The following ANK1 variants were observed in gnomAD, a reference collection of about 807,000 sequenced individuals.
The protein encoded by ANK1 is ankyrin-1.
Under a neutral mutation model 210.4 loss-of-function variants are expected in ANK1, and 51 were observed. The ratio of observed to expected loss-of-function variants is 0.24; its 90% confidence interval spans 0.19 to 0.31. The LOEUF is 0.31. ANK1 is among the 10% of genes least tolerant of loss of function. ANK1 has a pLI of 1.00. For synonymous variants in ANK1, 967 were observed against 1,025.9 expected (o/e 0.94, Z 1.10); for missense variants, 2,051 against 2,504.4 (o/e 0.82, Z 3.86).
chr8:41,877,970 G>A (rs146248618), intron 1 of ANK1, among the ~76,000 whole-genome samples: 9 of 152,272 alleles, frequency 5.9e-5, no homozygotes, highest in Admixed American at 2.0e-4. Context: ...GGGCAGGAAC[G>A]CTGGGCACAC....
At chr8:41,845,102 A>T (rs1223453452) in intron 1 of ANK1, among the ~76,000 whole-genome samples, 2 of 152,210 alleles carry the variant, frequency 1.3e-5, no homozygotes, top group African/African-American at 2.4e-5. Flanking sequence ...CGTGAATTCC[A>T]GGCCAGGCGC....
At chr8:41,656,802 G>A (rs1404403886) in intron 42 of ANK1, among the ~76,000 whole-genome samples, 1 of 152,150 alleles carries the variant, frequency 6.6e-6, no homozygotes, top group Non-Finnish European at 1.5e-5. Context: ...GAAGGGAGTA[G>A]GGAGAACTCA....
At chr8:41,713,088 C>T (rs1826617145) in intron 16 of ANK1, among the ~76,000 whole-genome samples, 1 of 152,356 alleles carries the variant, frequency 6.6e-6, no homozygotes, top group Non-Finnish European at 1.5e-5. Context: ...GGCACTGACG[C>T]TCCCTGCCTG....
intron 1 of ANK1, among the ~76,000 whole-genome samples, chr8:41,836,996 TGG>T (rs1345924293): frequency 1.3e-5 from 2 of 151,814 alleles, no homozygotes; most frequent in African/African-American, 4.8e-5. Flanking sequence ...CCTGGGGTCC[TGG>T]TCTGTGGTCA....
intron 31 of ANK1, 63 bp from the exon 32 acceptor site, chr8:41,690,662 C>G: frequency 6.3e-7 from 1 of 1,584,010 alleles, no homozygotes; most frequent in Non-Finnish European, 8.6e-7. Context: ...GTCCCTCCTT[C>G]CACCTTCGGT....
In ANK1 at chr8:41,655,658, A is replaced by C. The variant is rs1805396291; in HGVS notation, c.*132T>G. On this transcript the variant is annotated 3_prime_UTR_variant, in exon 43 of 43. Transcript: ENST00000289734. ...GAGGTCATGCCGTCAGCCCAGAGGA[A>C]TGTGTGCACCGCTGCGGTGGCCCTC... The C allele has an allele frequency of 6.4e-7, 1 of 1,559,596 alleles. No homozygotes were observed. Among genetic ancestry groups the C allele is most frequent in the African/African-American group, 1.4e-5 (1 of 73,746 alleles).
intron 37 of ANK1, among the ~76,000 whole-genome samples, chr8:41,682,487 A>G (rs1231300008): frequency 6.6e-6 from 1 of 152,266 alleles, no homozygotes; most frequent in African/African-American, 2.4e-5. Flanking sequence ...GAGAACAGGT[A>G]TCTCTCTCCT....
chr8:41,700,794 G>C (rs1476250274), intron 22 of ANK1, among the ~76,000 whole-genome samples: 1 of 152,120 alleles, frequency 6.6e-6, no homozygotes, highest in Admixed American at 6.6e-5. Context: ...ACAGGGTCTT[G>C]CTCTGTCACC....
intron 39 of ANK1, chr8:41,665,096 T>C: frequency 5.7e-6 from 9 of 1,582,554 alleles, no homozygotes; most frequent in Non-Finnish European, 6.0e-6. Context: ...CCTCTCATTC[T>C]CCACTGGGAC....
intron 1 of ANK1, among the ~76,000 whole-genome samples, chr8:41,764,496 C>G (rs891497012): frequency 2.0e-5 from 3 of 152,228 alleles, no homozygotes; most frequent in African/African-American, 4.8e-5. Flanking sequence ...CTATGACAAA[C>G]CGGAGCAGAA....
At chr8:41,673,275 A>T (rs1020672714) in intron 37 of ANK1, among the ~76,000 whole-genome samples, 3 of 152,180 alleles carry the variant, frequency 2.0e-5, no homozygotes, top group Non-Finnish European at 4.4e-5. Flanking sequence ...TCTGTCTCTG[A>T]TCCCATGAAA....
rs145780209 is a variant in ANK1 at position 41,691,595 on chromosome 8, G to A, written c.3859-996C>T. 5.7e-4 allele frequency among the ~76,000 whole-genome samples: 87 copies of A among 152,256 alleles called. 1 individual carries two copies. In the East Asian group the frequency reaches 0.015, roughly 27 times the overall value. ...TAACTGGTTCAGACCTAGCCCCCAT[G>A]CCTTCACTCTTCACATTATCTGTCG... On this transcript the variant is annotated intron_variant, in intron 31 of 42. Transcript: ENST00000289734.
chr8:41,654,624 A>C lies in ANK1; in HGVS notation c.*1166T>G, dbSNP rs1805097990. ...CCTCTTTCACTGAAAGACAGGCCAC[A>C]GCTCCTTCTCCTGCAGCCGCAGAAG... On this transcript the variant is annotated 3_prime_UTR_variant, in exon 43 of 43. Transcript: ENST00000289734. 1 of 152,696 alleles carries C rather than the reference A, an allele frequency of 6.5e-6. No individual in the cohort carries two copies. The highest frequency in any genetic ancestry group is 1.5e-5 in the Non-Finnish European group (1 of 68,048). The allele number at this position is 152,696 out of a possible 1,614,324, so 9.5% of individuals were successfully genotyped here. A position where few individuals can be genotyped will look rare whatever the true frequency, so the allele number is the denominator to read the frequency against.
At chr8:41,861,116 T>A (rs761841792) in intron 1 of ANK1, among the ~76,000 whole-genome samples, 1 of 152,208 alleles carries the variant, frequency 6.6e-6, no homozygotes, top group Non-Finnish European at 1.5e-5. Context: ...GTCTGGGCGA[T>A]GCGTGCTTGG....
At chr8:41,833,479 G>C (rs1807058295) in intron 1 of ANK1, among the ~76,000 whole-genome samples, 1 of 152,220 alleles carries the variant, frequency 6.6e-6, no homozygotes, top group African/African-American at 2.4e-5. Context: ...ATGCTAAGCA[G>C]CTGGTCTCCA....
chr8:41,684,369 C>A, intron 37 of ANK1, 175 bp downstream of exon 37: 1 of 1,071,882 alleles, frequency 9.3e-7, no homozygotes, highest in Non-Finnish European at 1.4e-6. Context: ...ATCTCTCTCT[C>A]CTTCGCCTCT....
intron 1 of ANK1, among the ~76,000 whole-genome samples, chr8:41,760,821 C>T (rs115081039): frequency 1.2e-3 from 184 of 152,156 alleles, no homozygotes; most frequent in African/African-American, 3.9e-3. Flanking sequence ...ATGGGAGAAG[C>T]GTGTGACGCC....
chr8:41,738,299 A>G (rs1467576489), intron 2 of ANK1, among the ~76,000 whole-genome samples: 2 of 152,226 alleles, frequency 1.3e-5, no homozygotes, highest in Non-Finnish European at 2.9e-5. Flanking sequence ...CAACAGATGC[A>G]CAAACATCCA....
At chr8:41,891,208 C>T (rs1401717948) in intron 1 of ANK1, among the ~76,000 whole-genome samples, 1 of 152,110 alleles carries the variant, frequency 6.6e-6, no homozygotes, top group African/African-American at 2.4e-5. Context: ...ATGAAGAGCG[C>T]CTGTACATAG....
Sources: gnomAD v4.1 joint callset for allele counts (sites outside exome capture counted in the v4.1 genomes callset) on GRCh38, gnomAD v4.1.1 for gene constraint, MANE v1.5 for transcripts, NCBI Gene and HGNC (gene_info 2026-07-23, HGNC 2026-07-21) for gene names.